Variants in MED27 observed in about 807,000 individuals in gnomAD.
The protein encoded by MED27 is mediator of RNA polymerase II transcription subunit 27.
A neutral mutation model predicts 38.2 loss-of-function variants in MED27; 30 were observed. The observed-to-expected ratio is 0.79, with a 90% confidence interval of 0.59 to 1.07. MED27 has a LOEUF of 1.07. MED27 is among the 50% of genes least tolerant of loss of function. MED27 has a pLI of 0.00. For missense variants in MED27, 289 were observed against 397.5 expected, an observed-to-expected ratio of 0.73 and a Z score of 2.32; for synonymous variants, 122 against 153.5, an observed-to-expected ratio of 0.79 and a Z score of 1.52.
chr9:131,884,188 TA>T, intron 5 of MED27, 89 bp from the exon 6 acceptor site: 1 of 991,378 alleles, frequency 1.0e-6, no homozygotes, highest in Non-Finnish European at 1.4e-6. Context: ...TAACCCTTCT[TA>T]AACTTGAAAA....
chr9:131,888,164 G>A (rs189568057), intron 5 of MED27, among the ~76,000 whole-genome samples: 13 of 152,322 alleles, frequency 8.5e-5, no homozygotes, highest in African/African-American at 1.4e-4. Context: ...CAGCAAGGGC[G>A]GATGCCATTT....
intron 2 of MED27, among the ~76,000 whole-genome samples, chr9:132,066,885 C>T (rs928744865): frequency 6.6e-6 from 1 of 152,196 alleles, no homozygotes; most frequent in African/African-American, 2.4e-5. Flanking sequence ...AATAAAAGCA[C>T]ATAGCAGCCA....
At chr9:131,952,019 G>A (rs1831008436) in intron 3 of MED27, among the ~76,000 whole-genome samples, 1 of 152,200 alleles carries the variant, frequency 6.6e-6, no homozygotes, top group Non-Finnish European at 1.5e-5. Context: ...GTGAGCTGGA[G>A]TAAATGGATC....
rs149573458 is a variant in MED27 at position 131,997,005 on chromosome 9, G to T, written c.479+17332C>A. Reference sequence around the variant, plus strand: ...AAGCTTTTGGGGAGTCAAAAGTCACGCACATTTTTGACTATGGTGGGGGAT... The same window carrying T: ...AAGCTTTTGGGGAGTCAAAAGTCACTCACATTTTTGACTATGGTGGGGGAT... On this transcript the variant is annotated intron_variant, in intron 3 of 7. Transcript: ENST00000292035. The surrounding 1 kb of genome is among the most constrained non-coding windows in gnomAD (Gnocchi z 4.0). 2.0e-5 allele frequency among the ~76,000 whole-genome samples: 3 copies of T among 152,262 alleles called. No homozygotes were observed. The East Asian group carries it at 5.8e-4, about 29-fold the overall frequency.
intron 3 of MED27, among the ~76,000 whole-genome samples, chr9:131,940,428 T>G (rs1219274956): frequency 6.6e-6 from 1 of 152,114 alleles, no homozygotes; most frequent in African/African-American, 2.4e-5. Context: ...CTTTTTTTCT[T>G]TTTTTGAGAC....
At chr9:131,973,726 G>A (rs914494247) in intron 3 of MED27, among the ~76,000 whole-genome samples, 14 of 151,584 alleles carry the variant, frequency 9.2e-5, no homozygotes, top group Non-Finnish European at 1.3e-4. Flanking sequence ...TTTTTTCTTC[G>A]AGACGGAGTC....
At chr9:132,041,215 C>T (rs577671381) in intron 2 of MED27, among the ~76,000 whole-genome samples, 3 of 152,192 alleles carry the variant, frequency 2.0e-5, no homozygotes, top group South Asian at 2.1e-4. Flanking sequence ...ACGACAAGCT[C>T]GCTAACAGAG....
chr9:131,879,163 G>A (rs915322658), intron 6 of MED27, among the ~76,000 whole-genome samples: 2 of 152,332 alleles, frequency 1.3e-5, no homozygotes, highest in South Asian at 4.1e-4. Flanking sequence ...GGTCAGGCAC[G>A]GGCCTGAGAG....
At chr9:132,028,114 T>C (rs1832863866) in intron 2 of MED27, among the ~76,000 whole-genome samples, 1 of 152,190 alleles carries the variant, frequency 6.6e-6, no homozygotes, top group Admixed American at 6.5e-5. Flanking sequence ...GTTGGCTTCC[T>C]TTCTGTTCCT....
chr9:132,041,562 G>T (rs1833212200), intron 2 of MED27, among the ~76,000 whole-genome samples: 1 of 152,250 alleles, frequency 6.6e-6, no homozygotes, highest in African/African-American at 2.4e-5. Flanking sequence ...GTCGGGCACT[G>T]CAAGCACAGC....
At chr9:131,973,811 C>T (rs897826031) in intron 3 of MED27, among the ~76,000 whole-genome samples, 1 of 152,016 alleles carries the variant, frequency 6.6e-6, no homozygotes, top group Non-Finnish European at 1.5e-5. Context: ...GGGTTCACAC[C>T]ATTCTCCTGC....
At chr9:131,900,832 T>C (rs1375762927) in intron 4 of MED27, among the ~76,000 whole-genome samples, 3 of 152,002 alleles carry the variant, frequency 2.0e-5, no homozygotes, top group Non-Finnish European at 4.4e-5. Flanking sequence ...ATTTTCTGTA[T>C]ACAAAATAAA....
chr9:131,964,080 A>G (rs1831280931), intron 3 of MED27, among the ~76,000 whole-genome samples: 1 of 152,062 alleles, frequency 6.6e-6, no homozygotes, highest in African/African-American at 2.4e-5. Context: ...ATAGAAGCTG[A>G]AAGGGTTAAA....
chr9:131,895,178 T>C (rs770503478), intron 4 of MED27, among the ~76,000 whole-genome samples: 4 of 152,214 alleles, frequency 2.6e-5, no homozygotes, highest in African/African-American at 4.8e-5. Flanking sequence ...ATAAACAATA[T>C]ACGGATGAAG....
chr9:132,001,781 C>T (rs571961676), intron 3 of MED27, among the ~76,000 whole-genome samples: 2 of 152,312 alleles, frequency 1.3e-5, no homozygotes, highest in Admixed American at 6.5e-5. Context: ...ATTTCCCTTA[C>T]GGTATAGATG....
chr9:131,860,986 C>T lies in MED27; in HGVS notation c.802-314G>A, dbSNP rs1040101071. On this transcript the variant is annotated intron_variant, in intron 7 of 7. Transcript: ENST00000292035. This position sits in a 1 kb window ranked among gnomAD's most constrained non-coding sequence, Gnocchi z 5.8. ...TGGTGGTCTGGGGGCCAGCACCCCA[C>T]TTTCACTTTCTGGGTCCCATGTCTT... is the stretch of plus-strand genomic sequence containing the variant. Among the ~76,000 whole-genome samples, 1 of 152,144 alleles carries T rather than the reference C, an allele frequency of 6.6e-6. No individual in the cohort carries two copies. Among genetic ancestry groups the T allele is most frequent in the Non-Finnish European group, 1.5e-5 (1 of 68,014 alleles).
At chr9:132,068,100 T>C (rs1297988949) in intron 2 of MED27, among the ~76,000 whole-genome samples, 4 of 152,146 alleles carry the variant, frequency 2.6e-5, no homozygotes, top group African/African-American at 4.8e-5. Flanking sequence ...GGAAACAAGC[T>C]AGAAGAACAA....
At chr9:132,011,625 C>T (rs1832489162) in intron 3 of MED27, among the ~76,000 whole-genome samples, 2 of 152,242 alleles carry the variant, frequency 1.3e-5, no homozygotes, top group South Asian at 4.1e-4. Context: ...TGTGATCATA[C>T]CACTGCACTC....
At chr9:131,995,691 A>C (rs556032100) in intron 3 of MED27, among the ~76,000 whole-genome samples, 1 of 152,130 alleles carries the variant, frequency 6.6e-6, no homozygotes, top group African/African-American at 2.4e-5. Context: ...CCCTTTCTGT[A>C]GTAGGCCCAT....
Sources: gnomAD v4.1 joint callset for allele counts (sites outside exome capture counted in the v4.1 genomes callset) on GRCh38, gnomAD v4.1.1 for gene constraint, Gnocchi (gnomAD v3.1) non-coding constraint, MANE v1.5 for transcripts, NCBI Gene and HGNC (gene_info 2026-07-23, HGNC 2026-07-21) for gene names.